The following IGF2 variants were observed in gnomAD, a reference collection of about 807,000 sequenced individuals.
IGF2 encodes insulin like growth factor 2.
Under a neutral mutation model 12.0 loss-of-function variants are expected in IGF2, and 2 were observed. That is an observed-to-expected ratio of 0.17 (90% CI 0.07 to 0.52). The LOEUF (loss-of-function observed/expected upper bound fraction) is 0.52. Among genes scored for constraint, IGF2 ranks in the 20% least tolerant of loss-of-function variants. IGF2 has a pLI of 0.95. For synonymous variants in IGF2, 105 were observed against 110.1 expected (o/e 0.95, Z 0.29); for missense variants, 211 against 268.0 (o/e 0.79, Z 1.48).
At position 2,132,835 on chromosome 11, in the gene IGF2, T is replaced by G; in HGVS notation, c.*152A>C. On this transcript the variant is annotated 3_prime_UTR_variant, in exon 4 of 4. Transcript: ENST00000416167. ...AGGGGGCCGAGGAGAGTAGCCTGTT[T>G]CGGGGAGGCGGGGCACGGGGACTGG... 2 of 605,518 alleles carry G rather than the reference T, an allele frequency of 3.3e-6. No individual in the cohort carries two copies. The highest frequency in any genetic ancestry group is 5.8e-6 in the Non-Finnish European group (2 of 344,134). 37.5% of individuals were successfully genotyped at this position (605,518 alleles called of 1,614,324 possible).
At chr11:2,147,028 A>G in the IGF2 span, 1 of 152,888 alleles carries the variant, frequency 6.5e-6, no homozygotes, top group African/African-American at 2.4e-5. This position sits in a 1 kb window ranked among gnomAD's most constrained non-coding sequence, Gnocchi z 7.2. Context: ...TATTACCTCA[A>G]TTCTGAACAG....
rs749953596 is a variant in IGF2, at chr11:2,133,058, G to A, written c.472C>T (p.Leu158=). The change falls in exon 4 of 4, where the codon CTG becomes TTG. Residue 158 remains leucine (L), a synonymous_variant. Coordinates refer to ENST00000416167, the MANE Select transcript of IGF2 (RefSeq NM_000612.6). The surrounding 1 kb of genome is among the most constrained non-coding windows in gnomAD (Gnocchi z 8.9). The part of the protein sequence containing the change: ...AFREAKRHRP[L]IALPTQDPAH... ...GGGTCTTGGGTGGGTAGAGCAATCA[G>A]GGGACGGTGACGTTTGGCCTCCCTG... 18 of 1,603,766 alleles carry A rather than the reference G, an allele frequency of 1.1e-5. No homozygotes were observed. Among genetic ancestry groups the A allele is most frequent in the East Asian group, 2.2e-5 (1 of 44,474 alleles).
chr11:2,149,398 G>C, the IGF2 span: 1 of 1,480,814 alleles, frequency 6.8e-7, no homozygotes, highest in Non-Finnish European at 9.3e-7. Flanking sequence ...GGCCCCTACA[G>C]ATGGGAGAGC....
At position 2,133,829 on chromosome 11, in the gene IGF2, G is replaced by A. The variant is rs1005428831; in HGVS notation, c.158-164C>T. 1.3e-5 allele frequency among the ~76,000 whole-genome samples: 2 copies of A among 152,218 alleles called. No homozygotes were observed. Among genetic ancestry groups the A allele is most frequent in the African/African-American group, 2.4e-5 (1 of 41,454 alleles). On this transcript the variant is annotated intron_variant, in intron 2 of 3. Coordinates refer to ENST00000416167, the MANE Select transcript of IGF2 (RefSeq NM_000612.6). This position sits in a 1 kb window ranked among gnomAD's most constrained non-coding sequence, Gnocchi z 8.9. ...GAAGTGAGAGCTGGCAGGCAGAGGCGTCCCAGGAAGAAGAGAGGTGAGAGG... is the reference window on the plus strand; with the variant it reads ...GAAGTGAGAGCTGGCAGGCAGAGGCATCCCAGGAAGAAGAGAGGTGAGAGG...
In IGF2 at chr11:2,131,676, ATGTGTGTGCTGTGTTTGTGTGTGTGC is replaced by A. The variant is rs1304421965; in HGVS notation, c.*1285_*1310del. The A allele has an allele frequency of 2.2e-4, 31 of 140,830 alleles. No individual in the cohort carries two copies. Among genetic ancestry groups the A allele is most frequent in the Non-Finnish European group, 3.1e-4 (24 of 76,790 alleles). 8.7% of individuals were successfully genotyped at this position (140,830 alleles called of 1,614,324 possible). Reference sequence around the variant, plus strand: ...TGCTGTGTGTGCGTGTGCTGTGTGCATGTGTGTGCTGTGTTTGTGTGTGTGCTGTGTGTGCTGTGTTCGTGTGTGCT... The same window carrying A: ...TGCTGTGTGTGCGTGTGCTGTGTGCATGTGTGTGCTGTGTTCGTGTGTGCT... On this transcript the variant is annotated 3_prime_UTR_variant, in exon 4 of 4. Transcript: ENST00000416167.
At chr11:2,136,067 C>T (rs1859019699) in intron 1 of IGF2, among the ~76,000 whole-genome samples, 1 of 152,190 alleles carries the variant, frequency 6.6e-6, no homozygotes, top group Non-Finnish European at 1.5e-5. Context: ...GGACCATCGC[C>T]CTCAAAGCAG....
In IGF2 at chr11:2,129,248, C is replaced by T. The variant is rs374278108; in HGVS notation, c.*3739G>A. 1.9e-4 allele frequency: 40 copies of T among 205,132 alleles called. No individual in the cohort carries two copies. Among genetic ancestry groups the T allele is most frequent in the African/African-American group, 8.7e-4 (38 of 43,764 alleles). The allele number at this position is 205,132 out of a possible 1,614,324, so 12.7% of individuals were successfully genotyped here. On this transcript the variant is annotated 3_prime_UTR_variant, in exon 4 of 4. Transcript: ENST00000416167. This position sits in a 1 kb window ranked among gnomAD's most constrained non-coding sequence, Gnocchi z 8.1. ...GTCAAACACGGGCCGCAAGGTGGAC[C>T]GAGGCGGCAGGCACAGGTGACATTC... is the stretch of plus-strand genomic sequence containing the variant.
rs1001721104 is a variant in IGF2, at chr11:2,138,678, CG to C, written c.-457del. ...AGCGTGTAATTAATCCACTTTGGTT[CG>C]GCGAAGGCGAGAGGGCGGGCGTGAG... is the stretch of plus-strand genomic sequence containing the variant. On this transcript the variant is annotated 5_prime_UTR_variant, in exon 1 of 4. Transcript: ENST00000416167. The C allele has an allele frequency of 4.3e-6, 4 of 928,426 alleles. No homozygotes were observed. Among genetic ancestry groups the C allele is most frequent in the African/African-American group, 4.3e-5 (2 of 46,274 alleles). The allele number at this position is 928,426 out of a possible 1,614,324, so 57.5% of individuals were successfully genotyped here. A position where few individuals can be genotyped will look rare whatever the true frequency, so the allele number is the denominator to read the frequency against.
chr11:2,136,048 G>A (rs115057681), intron 1 of IGF2, among the ~76,000 whole-genome samples: 3 of 152,124 alleles, frequency 2.0e-5, no homozygotes, highest in Admixed American at 6.5e-5. Context: ...GAGCAGGGGG[G>A]GTCCAGGAGG....
chr11:2,135,708 G>C (rs1858966355), intron 1 of IGF2, among the ~76,000 whole-genome samples, 179 bp from the exon 2 acceptor site: 1 of 152,236 alleles, frequency 6.6e-6, no homozygotes, highest in Non-Finnish European at 1.5e-5. Context: ...CCGAGGTGAG[G>C]GCGCAGGGCC....
At position 2,131,567 on chromosome 11, in the gene IGF2, TTGTGTGTGTGCTGTGTTCA is replaced by T. The variant is rs1858556581; in HGVS notation, c.*1401_*1419del. The T allele has an allele frequency of 4.5e-6, 1 of 224,236 alleles. No homozygotes were observed. The highest frequency in any genetic ancestry group is 2.4e-5 in the African/African-American group (1 of 42,328). 13.9% of individuals were successfully genotyped at this position (224,236 alleles called of 1,614,324 possible). ...GTGTGTGCATGTGTGTGCTGTGTGT[TTGTGTGTGTGCTGTGTTCA>T]TGTGTGCTGTGCATGCGTGTGTGCT... is the stretch of plus-strand genomic sequence containing the variant. On this transcript the variant is annotated 3_prime_UTR_variant, in exon 4 of 4. Coordinates refer to ENST00000416167, the MANE Select transcript of IGF2 (RefSeq NM_000612.6).
chr11:2,139,410 C>T (rs1280723280), upstream of IGF2: 2 of 147,948 alleles, frequency 1.4e-5, no homozygotes, highest in Non-Finnish European at 3.0e-5. Flanking sequence ...CGCCCACGCC[C>T]GGCTCTTATA....
chr11:2,142,625 A>T (rs1859670391), upstream of IGF2, among the ~76,000 whole-genome samples: 1 of 152,144 alleles, frequency 6.6e-6, no homozygotes, highest in Non-Finnish European at 1.5e-5. The surrounding 1 kb of genome is among the most constrained non-coding windows in gnomAD (Gnocchi z 5.7). Context: ...GTCCAGTGTG[A>T]TCCTGGCCGT....
At chr11:2,136,083 C>A (rs1286377809) in intron 1 of IGF2, among the ~76,000 whole-genome samples, 5 of 152,218 alleles carry the variant, frequency 3.3e-5, no homozygotes, top group African/African-American at 1.2e-4. Flanking sequence ...AGCAGCAGGC[C>A]AGTCCTGCTG....
chr11:2,139,743 G>C (rs1437916903), upstream of IGF2, among the ~76,000 whole-genome samples: 3 of 151,856 alleles, frequency 2.0e-5, no homozygotes, highest in Admixed American at 1.3e-4. Flanking sequence ...TCGTGAGCTG[G>C]GGTCTCCGGG....
chr11:2,149,472 C>T, the IGF2 span: 4 of 783,452 alleles, frequency 5.1e-6, no homozygotes, highest in South Asian at 1.7e-5. Context: ...TACCCCTCAC[C>T]TCCTCATCCC....
intron 1 of IGF2, among the ~76,000 whole-genome samples, chr11:2,137,741 A>G (rs1859182348): frequency 6.6e-6 from 1 of 152,002 alleles, no homozygotes; most frequent in African/African-American, 2.4e-5. Context: ...GGCGTCTGCC[A>G]TGACTCCTGC....
chr11:2,135,876 C>T (rs969433624), intron 1 of IGF2, among the ~76,000 whole-genome samples: 4 of 152,190 alleles, frequency 2.6e-5, no homozygotes, highest in Non-Finnish European at 4.4e-5. Context: ...GCTGGACACC[C>T]GACCTGGCCT....
chr11:2,136,568 T>C (rs1859071575), intron 1 of IGF2, among the ~76,000 whole-genome samples: 1 of 152,214 alleles, frequency 6.6e-6, no homozygotes, highest in Admixed American at 6.5e-5. Context: ...GGTGGAACCC[T>C]CCAGGCGGGC....
Sources: gnomAD v4.1 joint callset for allele counts (sites outside exome capture counted in the v4.1 genomes callset) on GRCh38, gnomAD v4.1.1 for gene constraint, Gnocchi (gnomAD v3.1) non-coding constraint, MANE v1.5 for transcripts, NCBI Gene and HGNC (gene_info 2026-07-23, HGNC 2026-07-21) for gene names.